Variants in TENM2 observed in about 807,000 individuals in gnomAD.
TENM2 encodes the protein teneurin transmembrane protein 2.
TENM2 carries 52 observed loss-of-function variants against 245.2 expected under a neutral mutation model. The ratio of observed to expected loss-of-function variants is 0.21; its 90% CI spans 0.17 to 0.27. The LOEUF (loss-of-function observed/expected upper bound fraction) is 0.27. Among genes scored for constraint, TENM2 ranks in the 10% least tolerant of loss-of-function variants. TENM2 has a pLI of 1.00. For missense variants in TENM2, 3,046 were observed against 3,666.8 expected, an observed-to-expected ratio of 0.83 and a Z score of 4.37; for synonymous variants, 1,363 against 1,438.9, an observed-to-expected ratio of 0.95 and a Z score of 1.19.
chr5:167,137,611 C>T, the TENM2 span, among the ~76,000 whole-genome samples: 3 of 152,114 alleles, frequency 2.0e-5, no homozygotes, highest in Admixed American at 6.5e-5. Flanking sequence ...TACTACTGAT[C>T]TTAATCTACC....
chr5:167,170,218 A>T, the TENM2 span, among the ~76,000 whole-genome samples: 27 of 152,346 alleles, frequency 1.8e-4, no homozygotes, highest in African/African-American at 6.3e-4. Flanking sequence ...GTTTCTTTTG[A>T]ATTCCCTCTC....
rs766221633 is a variant in TENM2, at chr5:168,212,580, T to G, written c.3845+826T>G. ...CATGGACAGCTCTCCTTCATGATAT[T>G]AGGTCAAAATTAGACAAAAAGTAGA... On this transcript the variant is annotated intron_variant, in intron 20 of 28. Transcript: ENST00000518659. 8.5e-4 allele frequency among the ~76,000 whole-genome samples: 129 copies of G among 152,312 alleles called. 2 individuals carry two copies. The highest frequency in any genetic ancestry group is 6.3e-4 in the Non-Finnish European group (43 of 68,026).
chr5:166,987,090 C>T, the TENM2 span, among the ~76,000 whole-genome samples: 1 of 152,228 alleles, frequency 6.6e-6, no homozygotes, highest in Non-Finnish European at 1.5e-5. Flanking sequence ...TCCCTAAGGC[C>T]ACTCTAGGTA....
chr5:167,448,024 A>G (rs947890217), intron 2 of TENM2, among the ~76,000 whole-genome samples: 9 of 152,214 alleles, frequency 5.9e-5, no homozygotes, highest in African/African-American at 1.7e-4. Context: ...GGTAGTGGAA[A>G]TAGAGAAAAA....
chr5:167,626,623 G>A (rs1778519733), intron 2 of TENM2, among the ~76,000 whole-genome samples: 1 of 152,146 alleles, frequency 6.6e-6, no homozygotes, highest in South Asian at 2.1e-4. Flanking sequence ...GGAATTGTGT[G>A]CTTTTTTAAG....
the TENM2 span, among the ~76,000 whole-genome samples, chr5:167,239,544 G>C: frequency 6.6e-6 from 1 of 151,988 alleles, no homozygotes; most frequent in Non-Finnish European, 1.5e-5. Context: ...GTCGGAACTG[G>C]GTACCTATGT....
intron 1 of TENM2, among the ~76,000 whole-genome samples, chr5:167,326,702 A>AATAAAT (rs376995621): frequency 4.4e-4 from 63 of 143,212 alleles, no homozygotes; most frequent in Middle Eastern, 3.6e-3. Flanking sequence ...ATAATAAATA[A>AATAAAT]ATATATATAT....
chr5:167,996,238 G>T (rs1383792798), intron 5 of TENM2, among the ~76,000 whole-genome samples: 1 of 152,096 alleles, frequency 6.6e-6, no homozygotes, highest in Non-Finnish European at 1.5e-5. Context: ...CAAACTAGAT[G>T]ACCCAGGTCT....
At chr5:167,432,691 T>A (rs1468440592) in intron 2 of TENM2, among the ~76,000 whole-genome samples, 1 of 152,154 alleles carries the variant, frequency 6.6e-6, no homozygotes, top group African/African-American at 2.4e-5. Context: ...CTGCTTTTCA[T>A]AAGTGAAAAA....
chr5:167,057,087 A>C, the TENM2 span, among the ~76,000 whole-genome samples: 2 of 152,124 alleles, frequency 1.3e-5, no homozygotes, highest in African/African-American at 2.4e-5. Flanking sequence ...AAGCTCAGAT[A>C]CTATTTCTTA....
At chr5:168,109,536 C>A (rs1177143089) in intron 9 of TENM2, among the ~76,000 whole-genome samples, 9 of 152,284 alleles carry the variant, frequency 5.9e-5, no homozygotes, top group Non-Finnish European at 1.3e-4. Context: ...ACACTGGAGC[C>A]CTTGTTGGAA....
At chr5:167,262,272 C>T in the TENM2 span, among the ~76,000 whole-genome samples, 67 of 151,854 alleles carry the variant, frequency 4.4e-4, no homozygotes, top group South Asian at 1.0e-3. Context: ...GCAGGAGAAT[C>T]GCTTGAACCT....
chr5:168,244,608 G>T lies in TENM2; in HGVS notation c.5709G>T (p.Gly1903=), dbSNP rs1309217073. The T allele has an allele frequency of 1.2e-6, 2 of 1,604,474 alleles. No homozygotes were observed. Among genetic ancestry groups the T allele is most frequent in the South Asian group, 2.2e-5 (2 of 89,982 alleles). The change falls in exon 26 of 29, where the codon GGG becomes GGT. Residue 1903 remains glycine (G), a synonymous_variant. Transcript: ENST00000518659. The surrounding 1 kb of genome is among the most constrained non-coding windows in gnomAD (Gnocchi z 4.9). The stretch of plus-strand genomic sequence containing the variant: ...ACTTCTTCAATGGGCGCCTGGCTGG[G>T]CTTCAGCGTGGGGCCATGAGCGAGA...
At chr5:168,119,146 A>G (rs918250589) in intron 10 of TENM2, among the ~76,000 whole-genome samples, 2 of 152,212 alleles carry the variant, frequency 1.3e-5, no homozygotes, top group African/African-American at 4.8e-5. Context: ...GTTACTTACA[A>G]TTGCACAAAA....
chr5:168,070,961 GAAGGGA>G lies in TENM2; in HGVS notation c.1515+8713_1515+8718del, dbSNP rs200422240. On this transcript the variant is annotated intron_variant, in intron 7 of 28. Transcript: ENST00000518659. ...CAGAAAGAAGGAAAGGAAAGGAAAG[GAAGGGA>G]AAGGGAAAGGGAAAGGAAAAGAGAA... Among the ~76,000 whole-genome samples, 242 of 150,802 alleles carry G rather than the reference GAAGGGA, an allele frequency of 1.6e-3. 1 individual carries two copies. Among genetic ancestry groups the G allele is most frequent in the South Asian group, 9.5e-3 (45 of 4,756 alleles).
the TENM2 span, among the ~76,000 whole-genome samples, chr5:167,233,449 A>C: frequency 0.21 from 31,572 of 151,948 alleles, 3,828 homozygotes; most frequent in African/African-American, 0.34. Context: ...AAGCTCCTAC[A>C]TATCTATAAA....
intron 2 of TENM2, among the ~76,000 whole-genome samples, chr5:167,774,019 A>G (rs868316553): frequency 6.6e-6 from 1 of 152,130 alleles, no homozygotes; most frequent in African/African-American, 2.4e-5. Context: ...ATTAACTAAT[A>G]TAAGGGCATG....
intron 13 of TENM2, among the ~76,000 whole-genome samples, chr5:168,180,626 T>C (rs1759782041): frequency 6.6e-6 from 1 of 152,230 alleles, no homozygotes; most frequent in Admixed American, 6.5e-5. Flanking sequence ...CCAGGCACAG[T>C]GGTGCACACC....
At chr5:167,559,228 A>G (rs1045676068) in intron 2 of TENM2, among the ~76,000 whole-genome samples, 2 of 152,152 alleles carry the variant, frequency 1.3e-5, no homozygotes. Flanking sequence ...TGTATTAACT[A>G]TGGTCCATCT....
Sources: allele counts gnomAD v4.1 joint callset (sites outside exome capture counted in the v4.1 genomes callset), GRCh38; gene constraint gnomAD v4.1.1; non-coding constraint Gnocchi (gnomAD v3.1); transcripts MANE v1.5; gene names NCBI Gene and HGNC (gene_info 2026-07-23, HGNC 2026-07-21).